Variants in FBRSL1 observed in about 807,000 individuals in gnomAD.
FBRSL1 encodes fibrosin-1-like protein.
Under a neutral mutation model 89.6 loss-of-function variants are expected in FBRSL1, and 51 were observed. The ratio of observed to expected loss-of-function variants is 0.57; its 90% CI spans 0.45 to 0.72. The LOEUF (loss-of-function observed/expected upper bound fraction) is 0.72. Ranked by LOEUF, FBRSL1 falls within the 30% of genes least tolerant of loss-of-function variation. The pLI, the probability that FBRSL1 is intolerant of heterozygous loss-of-function variation, is 0.00. For missense variants in FBRSL1, 1,618 were observed against 1,451.8 expected (o/e 1.11, Z -1.86); for synonymous variants, 779 against 681.1 (o/e 1.14, Z -2.24).
chr12:132,583,639 C>T lies in FBRSL1; in HGVS notation c.2870C>T (p.Pro957Leu), dbSNP rs921183249. The part of the protein sequence containing the change: ...PPAAAALGAP[P>L]PLVTAAGPPT... ...GCCGCCGCCGCCCTCGGCGCACCGC[C>T]CCCCCTGGTGACGGCGGCCGGGCCC... The change falls in exon 19 of 19, where the codon CCC (proline) becomes CTC (leucine). Residue 957 changes from proline to leucine, a missense_variant. Coordinates refer to ENST00000680143, the MANE Select transcript of FBRSL1 (RefSeq NM_001367871.1). The T allele has an allele frequency of 6.9e-5, 70 of 1,009,774 alleles. No homozygotes were observed. In the East Asian group the frequency reaches 1.6e-3, roughly 24 times the overall value. 62.6% of individuals were successfully genotyped at this position (1,009,774 alleles called of 1,614,324 possible).
Position 132,508,300 on chromosome 12 carries a change from G to A in FBRSL1, c.439G>A (p.Glu147Lys), listed in dbSNP as rs753695135. The A allele has an allele frequency of 9.0e-6, 14 of 1,548,976 alleles. No individual in the cohort carries two copies. The highest frequency in any genetic ancestry group is 2.4e-5 in the East Asian group (1 of 40,902). ...LEAGSPGQDL[E>K]PACDGARKVP... The stretch of plus-strand genomic sequence containing the variant: ...GGCAGGCAGCCCCGGGCAGGACCTC[G>A]AACCCGCCTGCGATGGGGCGAGAAA... The change falls in exon 2 of 19, where the codon GAA becomes AAA. Residue 147 changes from glutamate (E) to lysine (K), a missense_variant. Glu to Lys is a moderately conservative substitution (Grantham distance 56, BLOSUM62 1). Coordinates refer to ENST00000680143, the MANE Select transcript of FBRSL1 (RefSeq NM_001367871.1).
At position 132,572,542 on chromosome 12, in the gene FBRSL1, C is replaced by T. The variant is rs2040105307; in HGVS notation, c.1450C>T (p.Pro484Ser). ...HSSVSFFPSF[P>S]PAIPGLPTLL... Reference sequence around the variant, plus strand: ...TCTCTTACAGTTCTTCCCGTCCTTCCCTCCTGCCATCCCGGGACTGCCCAC... The same window carrying T: ...TCTCTTACAGTTCTTCCCGTCCTTCTCTCCTGCCATCCCGGGACTGCCCAC... The change falls in exon 11 of 19, where the codon CCT becomes TCT. Residue 484 changes from proline to serine, a missense_variant. Pro to Ser is a moderately conservative substitution (Grantham distance 74). Transcript: ENST00000680143. 6.4e-6 allele frequency: 10 copies of T among 1,551,354 alleles called. No homozygotes were observed. Among genetic ancestry groups the T allele is most frequent in the Non-Finnish European group, 8.7e-6 (10 of 1,146,776 alleles).
chr12:132,572,404 C>T (rs1387695179), intron 10 of FBRSL1, 60 bp downstream of exon 10: 16 of 1,533,000 alleles, frequency 1.0e-5, no homozygotes, highest in African/African-American at 1.4e-5. Context: ...GGCCACGGGG[C>T]GGTGGGTGGG....
chr12:132,501,771 C>T (rs2032997804), intron 1 of FBRSL1, among the ~76,000 whole-genome samples: 1 of 152,136 alleles, frequency 6.6e-6, no homozygotes, highest in Non-Finnish European at 1.5e-5. Flanking sequence ...GCTGGCCACA[C>T]AGCAGGGCCC....
chr12:132,510,186 A>G (rs962334934), intron 2 of FBRSL1: 1 of 1,231,234 alleles, frequency 8.1e-7, no homozygotes, highest in Non-Finnish European at 1.0e-6. Context: ...CATGGGCCCC[A>G]ACAAGCCCTG....
chr12:132,538,591 G>A (rs540695811), intron 4 of FBRSL1, among the ~76,000 whole-genome samples: 13 of 152,342 alleles, frequency 8.5e-5, no homozygotes, highest in Admixed American at 8.5e-4. Context: ...CACCCTCGCA[G>A]GCGGGCGCAC....
chr12:132,570,051 C>T lies in FBRSL1; in HGVS notation c.817C>T (p.Pro273Ser), dbSNP rs2039900227. 2 of 1,504,076 alleles carry T rather than the reference C, an allele frequency of 1.3e-6. No individual in the cohort carries two copies. The highest frequency in any genetic ancestry group is 8.8e-7 in the Non-Finnish European group (1 of 1,133,358). The allele number at this position is 1,504,076 out of a possible 1,614,324, so 93.2% of individuals were successfully genotyped here. A position where few individuals can be genotyped will look rare whatever the true frequency, so the allele number is the denominator to read the frequency against. Residue 273 changes from proline (P) to serine (S), a missense_variant, in exon 7 of 19, where the codon CCC becomes TCC. Pro to Ser is a moderately conservative substitution (Grantham distance 74). Coordinates refer to ENST00000680143, the MANE Select transcript of FBRSL1 (RefSeq NM_001367871.1). ...TGCCAGCCCCGCGCCCCATGCCGCG[C>T]CCTGCCCGGGGCCCCCGCCCGGCTC... is the stretch of plus-strand genomic sequence containing the variant. ...PTASPAPHAA[P>S]CPGPPPGSRA...
intron 1 of FBRSL1, 27 bp downstream of exon 1, chr12:132,490,888 G>C: frequency 7.6e-7 from 1 of 1,323,718 alleles, no homozygotes; most frequent in Non-Finnish European, 9.7e-7. Flanking sequence ...GGCTTCGCAG[G>C]CGTTGAGGCG....
At chr12:132,539,091 C>T (rs998628206) in intron 4 of FBRSL1, among the ~76,000 whole-genome samples, 6 of 151,998 alleles carry the variant, frequency 3.9e-5, no homozygotes, top group African/African-American at 1.5e-4. Flanking sequence ...GGGTCTGTGG[C>T]GACTTGCAAG....
At chr12:132,567,690 A>G (rs2039723238) in intron 6 of FBRSL1, among the ~76,000 whole-genome samples, 164 bp downstream of exon 6, 1 of 152,142 alleles carries the variant, frequency 6.6e-6, no homozygotes, top group Non-Finnish European at 1.5e-5. Context: ...GGAAGCCCCC[A>G]GGAGCAGGGG....
chr12:132,570,636 C>T (rs2039947321), intron 8 of FBRSL1, 96 bp downstream of exon 8: 4 of 1,115,588 alleles, frequency 3.6e-6, no homozygotes, highest in Middle Eastern at 3.1e-4. Flanking sequence ...CCTCCACCTG[C>T]TGTGGTCTCT....
chr12:132,509,533 G>A (rs2034081950), intron 2 of FBRSL1: 2 of 1,234,526 alleles, frequency 1.6e-6, no homozygotes, highest in South Asian at 4.1e-5. Flanking sequence ...CCAGGCCCCA[G>A]GCAGTGCTGC....
At position 132,582,095 on chromosome 12, in the gene FBRSL1, G is replaced by T; in HGVS notation, c.2030G>T (p.Gly677Val). The change falls in exon 18 of 19, where the codon GGC becomes GTC. Residue 677 changes from glycine (G) to valine (V), a missense_variant. Gly to Val is a moderately radical substitution (Grantham distance 109, BLOSUM62 -3). Transcript: ENST00000680143. ...PGGSIFAPKE[G>V]SSVHGLPSPH... ...GGCAGCATCTTTGCCCCCAAGGAGG[G>T]CTCCTCCGTGCACGGCCTGCCCAGC... 2.6e-6 allele frequency: 4 copies of T among 1,549,104 alleles called. No homozygotes were observed. Among genetic ancestry groups the T allele is most frequent in the Non-Finnish European group, 3.5e-6 (4 of 1,146,304 alleles).
At chr12:132,536,220 G>C (rs543107316) in intron 4 of FBRSL1, among the ~76,000 whole-genome samples, 1 of 150,276 alleles carries the variant, frequency 6.7e-6, no homozygotes, top group Non-Finnish European at 1.5e-5. Flanking sequence ...GTGAGTGCAC[G>C]TGTAAAATGG....
rs1038219630 is a variant in FBRSL1 at position 132,583,111 on chromosome 12, G to C, written c.2342G>C (p.Arg781Pro). The C allele has an allele frequency of 1.0e-5, 15 of 1,456,360 alleles. No individual in the cohort carries two copies. Among genetic ancestry groups the C allele is most frequent in the Non-Finnish European group, 1.1e-5 (12 of 1,107,848 alleles). The allele number at this position is 1,456,360 out of a possible 1,614,324, so 90.2% of individuals were successfully genotyped here. A position where few individuals can be genotyped will look rare whatever the true frequency, so the allele number is the denominator to read the frequency against. Reference sequence around the variant, plus strand: ...CCCGCGGAGCGCGAGGCCGAACCTCGGGTCAAGGAGAGCCGCTCCCCGGCC... The same window carrying C: ...CCCGCGGAGCGCGAGGCCGAACCTCCGGTCAAGGAGAGCCGCTCCCCGGCC... ...GAPAEREAEPRVKESRSPAKE... is the reference protein window; with the variant it reads ...GAPAEREAEPPVKESRSPAKE... The change falls in exon 19 of 19, where the codon CGG becomes CCG. Residue 781 changes from arginine (R) to proline (P), a missense_variant. Physicochemically the swap from Arg to Pro is moderately radical, Grantham distance 103 (BLOSUM62 -2). Transcript: ENST00000680143.
intron 17 of FBRSL1, 114 bp from the exon 18 acceptor site, chr12:132,581,948 C>A: frequency 1.6e-6 from 2 of 1,282,210 alleles, no homozygotes; most frequent in Non-Finnish European, 2.1e-6. Context: ...CTCCTTGGGG[C>A]ACCCCCTTCT....
At chr12:132,508,114 G>A (rs1309854330) in intron 1 of FBRSL1, 39 bp from the exon 2 acceptor site, 8 of 1,346,866 alleles carry the variant, frequency 5.9e-6, no homozygotes, top group South Asian at 1.2e-5. Context: ...AGGCCCTGGG[G>A]TCCCGCCAAT....
intron 6 of FBRSL1, 26 bp downstream of exon 6, chr12:132,567,552 C>T: frequency 6.5e-7 from 1 of 1,547,956 alleles, no homozygotes; most frequent in South Asian, 1.2e-5. Flanking sequence ...CGGCCCAGCT[C>T]CTGGGCCTCT....
At chr12:132,539,278 G>A (rs1202384676) in intron 4 of FBRSL1, among the ~76,000 whole-genome samples, 2 of 151,996 alleles carry the variant, frequency 1.3e-5, no homozygotes, top group East Asian at 1.9e-4. Context: ...CCGTCAGGTG[G>A]GCCAGGAAGC....
Sources: gnomAD v4.1 joint callset for allele counts (sites outside exome capture counted in the v4.1 genomes callset) on GRCh38, gnomAD v4.1.1 for gene constraint, MANE v1.5 for transcripts, NCBI Gene and HGNC (gene_info 2026-07-23, HGNC 2026-07-21) for gene names.